The following UNC13B variants were observed in gnomAD, a reference collection of about 807,000 sequenced individuals.
UNC13B encodes the protein unc-13 homolog B, also known as protein unc-13 homolog B.
A neutral mutation model predicts 211.0 loss-of-function variants in UNC13B; 144 were observed. The observed-to-expected ratio is 0.68, with a 90% CI of 0.60 to 0.78. The LOEUF is 0.78. Ranked by LOEUF, UNC13B falls within the 30% of genes least tolerant of loss-of-function variation. The pLI, the probability that UNC13B is intolerant of heterozygous loss-of-function variation, is 0.00. For missense variants in UNC13B, 1,777 were observed against 2,002.0 expected (o/e 0.89, Z 2.14); for synonymous variants, 709 against 725.8 (o/e 0.98, Z 0.37).
chr9:35,357,811 G>C (rs528938881), intron 11 of UNC13B, among the ~76,000 whole-genome samples: 3 of 152,032 alleles, frequency 2.0e-5, no homozygotes, highest in Non-Finnish European at 2.9e-5. Flanking sequence ...ATATTATGTG[G>C]AACATTTTAA....
intron 11 of UNC13B, among the ~76,000 whole-genome samples, chr9:35,362,300 G>A (rs964663170): frequency 4.6e-5 from 7 of 152,220 alleles, no homozygotes; most frequent in Non-Finnish European, 8.8e-5. Flanking sequence ...AGGAGGAGAC[G>A]TTTAGAGATG....
At chr9:35,376,556 C>T (rs377333407) in intron 15 of UNC13B, among the ~76,000 whole-genome samples, 1 of 152,174 alleles carries the variant, frequency 6.6e-6, no homozygotes, top group African/African-American at 2.4e-5. Flanking sequence ...AGCACAGCGG[C>T]CTTATTGTCC....
intron 37 of UNC13B, among the ~76,000 whole-genome samples, chr9:35,400,757 G>A (rs1836245921): frequency 6.6e-6 from 1 of 152,220 alleles, no homozygotes; most frequent in Non-Finnish European, 1.5e-5. Context: ...AAATCTGTGA[G>A]GAAGCCTTGA....
chr9:35,300,167 T>C lies in UNC13B; in HGVS notation c.763T>C (p.Tyr255His), dbSNP rs1564121714. ...GGTTGAAACTTCTGTTTTCTCCAGG[T>C]ATGCTCAGAAATATGATACACTAGA... The part of the protein sequence containing the change: ...LDYPERRAIR[Y>H]AQKYDTLDRR... Residue 255 changes from tyrosine (Y) to histidine (H), a missense_variant and splice_region_variant, in exon 9 of 40, where the codon TAT becomes CAT. Transcript: ENST00000635942. 1 of 398,670 alleles carries C rather than the reference T, an allele frequency of 2.5e-6. No individual in the cohort carries two copies. Among genetic ancestry groups the C allele is most frequent in the Admixed American group, 4.4e-5 (1 of 22,696 alleles). The allele number at this position is 398,670 out of a possible 1,614,324, so 24.7% of individuals were successfully genotyped here. A position where few individuals can be genotyped will look rare whatever the true frequency, so the allele number is the denominator to read the frequency against.
chr9:35,341,531 G>A (rs941313546), intron 11 of UNC13B, among the ~76,000 whole-genome samples: 13 of 152,138 alleles, frequency 8.5e-5, no homozygotes, highest in African/African-American at 2.9e-4. Flanking sequence ...GCTGTGTTCC[G>A]GCTTCCCTCT....
chr9:35,206,271 A>G (rs545313153), intron 1 of UNC13B, among the ~76,000 whole-genome samples: 2 of 152,302 alleles, frequency 1.3e-5, no homozygotes, highest in African/African-American at 4.8e-5. Flanking sequence ...AAAGTGTGCA[A>G]TTCAGTGGCT....
chr9:35,324,928 C>A (rs1830927889), intron 11 of UNC13B, among the ~76,000 whole-genome samples: 1 of 152,172 alleles, frequency 6.6e-6, no homozygotes, highest in South Asian at 2.1e-4. Flanking sequence ...GTCCCATCAG[C>A]ATCTCAAATT....
At chr9:35,314,359 G>GT (rs1830338752) in intron 11 of UNC13B, among the ~76,000 whole-genome samples, 1 of 152,090 alleles carries the variant, frequency 6.6e-6, no homozygotes, top group Non-Finnish European at 1.5e-5. Flanking sequence ...CATCTGTAGG[G>GT]CCAAAACAGG....
chr9:35,227,113 AG>A (rs770429200), intron 1 of UNC13B, among the ~76,000 whole-genome samples: 46 of 152,358 alleles, frequency 3.0e-4, no homozygotes, highest in African/African-American at 1.0e-3. Flanking sequence ...GGACTACAAA[AG>A]GTAGTCTCCA....
At chr9:35,262,994 T>C (rs1002034698) in intron 7 of UNC13B, among the ~76,000 whole-genome samples, 1 of 152,190 alleles carries the variant, frequency 6.6e-6, no homozygotes, top group Non-Finnish European at 1.5e-5. Context: ...ATTTATGATA[T>C]TGATCTTTTT....
At chr9:35,291,331 C>T (rs1341958174) in intron 7 of UNC13B, among the ~76,000 whole-genome samples, 1 of 152,116 alleles carries the variant, frequency 6.6e-6, no homozygotes, top group African/African-American at 2.4e-5. Flanking sequence ...AAACCAAAGT[C>T]CCAGTCATAA....
intron 36 of UNC13B, 34 bp downstream of exon 36, chr9:35,399,763 C>T (rs753506699): frequency 1.2e-6 from 2 of 1,606,684 alleles, no homozygotes; most frequent in South Asian, 1.1e-5. Flanking sequence ...CAGTCTTAAC[C>T]ACCACACTCA....
intron 7 of UNC13B, among the ~76,000 whole-genome samples, chr9:35,272,124 C>A (rs530083830): frequency 1.3e-5 from 2 of 150,552 alleles, no homozygotes; most frequent in East Asian, 3.9e-4. Flanking sequence ...AAATAGGATC[C>A]TAACCTGATT....
chr9:35,173,807 G>A (rs1247119565), intron 1 of UNC13B, among the ~76,000 whole-genome samples: 1 of 152,192 alleles, frequency 6.6e-6, no homozygotes, highest in African/African-American at 2.4e-5. Context: ...TAAGGTAGAT[G>A]TTAAAAGCTT....
rs773168664 is a variant in UNC13B at position 35,385,725 on chromosome 9, A to G, written c.10877A>G (p.Asn3626Ser). 1.3e-6 allele frequency: 2 copies of G among 1,599,526 alleles called. No individual in the cohort carries two copies. Among genetic ancestry groups the G allele is most frequent in the South Asian group, 2.2e-5 (2 of 90,380 alleles). ...SLRIDLSTYR[N>S]NFPAGSPERL... Reference sequence around the variant, plus strand: ...TTACATTTGCTTGATTTGCAACAGAATAATTTCCCTGCTGGGAGTCCTGAA... The same window carrying G: ...TTACATTTGCTTGATTTGCAACAGAGTAATTTCCCTGCTGGGAGTCCTGAA... Residue 3626 changes from asparagine (N) to serine (S), a missense_variant and splice_region_variant, in exon 23 of 40, where the codon AAT becomes AGT. By Grantham distance (46) the Asn-to-Ser change is conservative. Transcript: ENST00000635942.
At chr9:35,208,179 C>T (rs1380855543) in intron 1 of UNC13B, among the ~76,000 whole-genome samples, 3 of 152,302 alleles carry the variant, frequency 2.0e-5, no homozygotes, top group Admixed American at 6.5e-5. Flanking sequence ...GTCTACCTGC[C>T]ATCCCTGCTG....
At chr9:35,282,270 CT>C (rs751562108) in intron 7 of UNC13B, among the ~76,000 whole-genome samples, 1 of 152,192 alleles carries the variant, frequency 6.6e-6, no homozygotes, top group Admixed American at 6.5e-5. Flanking sequence ...TCACAACCCC[CT>C]CTTCCCTAAA....
rs145062713 is a variant in UNC13B at position 35,381,109 on chromosome 9, C to G, written c.10385C>G (p.Thr3462Arg). The G allele has an allele frequency of 6.2e-7, 1 of 1,613,784 alleles. No individual in the cohort carries two copies. The highest frequency in any genetic ancestry group is 1.3e-5 in the African/African-American group (1 of 74,910). Residue 3462 changes from threonine to arginine, a missense_variant, in exon 19 of 40, where the codon ACA becomes AGA. By Grantham distance (71) the Thr-to-Arg change is moderately conservative. Coordinates refer to ENST00000635942, the MANE Select transcript of UNC13B (RefSeq NM_001371189.2). ...CTTCTTTCCTTCCTAGAGAAGAGGACAGACAAATCAGCCGTCTCAGGGGCT... is the reference window on the plus strand; with the variant it reads ...CTTCTTTCCTTCCTAGAGAAGAGGAGAGACAAATCAGCCGTCTCAGGGGCT... ...MDVWYNLEKR[T>R]DKSAVSGAIR...
chr9:35,353,359 G>A, intron 11 of UNC13B: 1 of 1,232,246 alleles, frequency 8.1e-7, no homozygotes, highest in East Asian at 3.2e-5. Context: ...TCAGTCCTGA[G>A]GACCTGGAAA....
Sources: gnomAD v4.1 joint callset for allele counts (sites outside exome capture counted in the v4.1 genomes callset) on GRCh38, gnomAD v4.1.1 for gene constraint, MANE v1.5 for transcripts, NCBI Gene and HGNC (gene_info 2026-07-23, HGNC 2026-07-21) for gene names.